The following SFT2D2 variants were observed in gnomAD, a reference collection of about 807,000 sequenced individuals.
SFT2D2 encodes vesicle transport protein SFT2B.
In SFT2D2, 21 loss-of-function variants were observed where a neutral mutation model predicts 27.4. The observed-to-expected ratio is 0.77, with a 90% CI of 0.54 to 1.10. SFT2D2 has a LOEUF of 1.10. Ranked by LOEUF, SFT2D2 falls within the 50% of genes least tolerant of loss-of-function variation. The probability of loss-of-function intolerance (pLI) is 0.00; values close to 1 mark genes in which losing one functional copy is unlikely to be tolerated. For synonymous variants in SFT2D2, 72 were observed against 71.7 expected (o/e 1.00, Z -0.02); for missense variants, 187 against 194.2 (o/e 0.96, Z 0.22).
chr1:168,236,554 A>G (rs1647509034), intron 4 of SFT2D2, 35 bp from the exon 5 acceptor site: 3 of 1,593,604 alleles, frequency 1.9e-6, no homozygotes, highest in Non-Finnish European at 2.6e-6. Flanking sequence ...CTGCCATGTT[A>G]TTGTCATTAA....
At position 168,235,162 on chromosome 1, in the gene SFT2D2, A is replaced by G. The variant is rs1190818480; in HGVS notation, c.298A>G (p.Ile100Val). ...LKRMFEPTRL[I>V]ATIMVLLCFA... The stretch of plus-strand genomic sequence containing the variant: ...GCGAATGTTTGAGCCTACTCGTTTG[A>G]TTGCAACTATCATGGTGCTGGTAAG... Residue 100 changes from isoleucine (I) to valine (V), a missense_variant, in exon 4 of 8, where the codon ATT becomes GTT. By Grantham distance (29) the Ile-to-Val change is conservative. Coordinates refer to ENST00000271375, the MANE Select transcript of SFT2D2 (RefSeq NM_199344.3). 3.1e-6 allele frequency: 5 copies of G among 1,614,168 alleles called. No individual in the cohort carries two copies. Among genetic ancestry groups the G allele is most frequent in the East Asian group, 2.2e-5 (1 of 44,882 alleles).
rs1411763510 is a variant in SFT2D2 at position 168,246,971 on chromosome 1, A to G, written c.*4431A>G. The G allele has an allele frequency of 4.9e-6, 3 of 613,826 alleles. No individual in the cohort carries two copies. The highest frequency in any genetic ancestry group is 1.4e-5 in the South Asian group (1 of 71,408). The allele number at this position is 613,826 out of a possible 1,614,324, so 38.0% of individuals were successfully genotyped here. On this transcript the variant is annotated 3_prime_UTR_variant, in exon 8 of 8. Coordinates refer to ENST00000271375, the MANE Select transcript of SFT2D2 (RefSeq NM_199344.3). Reference sequence around the variant, plus strand: ...GCCTGGCAATTTCATCTTGCATCAAATGGTTTTTATGCAACAGGTCTTCTT... The same window carrying G: ...GCCTGGCAATTTCATCTTGCATCAAGTGGTTTTTATGCAACAGGTCTTCTT...
intron 7 of SFT2D2, 94 bp from the exon 8 acceptor site, chr1:168,242,407 C>T: frequency 7.4e-7 from 1 of 1,350,700 alleles, no homozygotes; most frequent in Non-Finnish European, 1.1e-6. Context: ...AGTCTAGGTG[C>T]TTTCTACTCT....
rs142381339 is a variant in SFT2D2, at chr1:168,235,329, G to A, written c.318+147G>A. The A allele has an allele frequency of 7.7e-6, 6 of 781,268 alleles. No individual in the cohort carries two copies. The Admixed American group carries it at 1.3e-4, about 17-fold the overall frequency. The allele number at this position is 781,268 out of a possible 1,614,324, so 48.4% of individuals were successfully genotyped here. On this transcript the variant is annotated intron_variant, in intron 4 of 7. Coordinates refer to ENST00000271375, the MANE Select transcript of SFT2D2 (RefSeq NM_199344.3). The stretch of plus-strand genomic sequence containing the variant: ...TATTCCTATAACCATGTGGCAGAAG[G>A]GAACACTCTAAGTAATACTACGATC...
rs1310562543 is a variant in SFT2D2 at position 168,247,541 on chromosome 1, A to G, written c.*5001A>G. 1 of 153,096 alleles carries G rather than the reference A, an allele frequency of 6.5e-6. No homozygotes were observed. The highest frequency in any genetic ancestry group is 6.5e-5 in the Admixed American group (1 of 15,374). The allele number at this position is 153,096 out of a possible 1,614,324, so 9.5% of individuals were successfully genotyped here. On this transcript the variant is annotated 3_prime_UTR_variant, in exon 8 of 8. Coordinates refer to ENST00000271375, the MANE Select transcript of SFT2D2 (RefSeq NM_199344.3). ...TGGCTGAATACTATTCCATGGGTGT[A>G]TATATGCCACATTTTCTTTATCCAG...
chr1:168,233,164 T>C (rs1647375502), intron 3 of SFT2D2, among the ~76,000 whole-genome samples: 1 of 152,224 alleles, frequency 6.6e-6, no homozygotes, highest in African/African-American at 2.4e-5. Flanking sequence ...CTGAACTTCT[T>C]GCATTTCCCA....
chr1:168,226,188 C>T lies in SFT2D2; in HGVS notation c.63+46C>T. On this transcript the variant is annotated intron_variant, in intron 1 of 7. Transcript: ENST00000271375. Reference sequence around the variant, plus strand: ...CGGCCCCCTCTCGCCGCGCTCCCGCCCTGCGTCCCCTGCCCGGGCCTGGGA... The same window carrying T: ...CGGCCCCCTCTCGCCGCGCTCCCGCTCTGCGTCCCCTGCCCGGGCCTGGGA... The T allele has an allele frequency of 2.0e-6, 3 of 1,499,856 alleles. No individual in the cohort carries two copies. The South Asian group carries it at 3.8e-5, about 19-fold the overall frequency. The allele number at this position is 1,499,856 out of a possible 1,614,324, so 92.9% of individuals were successfully genotyped here.
chr1:168,250,327 A>G lies in SFT2D2; in HGVS notation c.*7787A>G, dbSNP rs1647921863. On this transcript the variant is annotated 3_prime_UTR_variant, in exon 8 of 8. Coordinates refer to ENST00000271375, the MANE Select transcript of SFT2D2 (RefSeq NM_199344.3). The stretch of plus-strand genomic sequence containing the variant: ...CTGCTGAAACCTGTTACCAAGCAAC[A>G]GCAGTGATTAAAAGCAACCTGATGA... 1.3e-5 allele frequency: 2 copies of G among 152,250 alleles called. No individual in the cohort carries two copies. The highest frequency in any genetic ancestry group is 4.1e-4 in the South Asian group (2 of 4,828). 9.4% of individuals were successfully genotyped at this position (152,250 alleles called of 1,614,324 possible).
At chr1:168,241,205 C>CT (rs11387591) in intron 7 of SFT2D2, among the ~76,000 whole-genome samples, 11,859 of 99,660 alleles carry the variant, frequency 0.12, 1,710 homozygotes, top group African/African-American at 0.28. Context: ...CCCTTCTATT[C>CT]TTTTTTTTTT....
chr1:168,239,055 C>A, intron 6 of SFT2D2, 76 bp from the exon 7 acceptor site: 1 of 1,113,024 alleles, frequency 9.0e-7, no homozygotes, highest in Non-Finnish European at 1.4e-6. Flanking sequence ...ATTCTTACAG[C>A]TCAGAAGCCC....
intron 3 of SFT2D2, among the ~76,000 whole-genome samples, chr1:168,232,143 A>G (rs901647443): frequency 2.0e-5 from 3 of 152,224 alleles, no homozygotes; most frequent in African/African-American, 7.2e-5. Flanking sequence ...GTGATTTTAC[A>G]TGTACAGAAA....
At chr1:168,242,456 TG>T (rs1350509899) in intron 7 of SFT2D2, 44 bp from the exon 8 acceptor site, 1 of 1,613,198 alleles carries the variant, frequency 6.2e-7, no homozygotes, top group East Asian at 2.2e-5. Context: ...GGAGTGCCTT[TG>T]GGGTGATGAC....
chr1:168,251,287 C>G lies in SFT2D2; in HGVS notation c.*8747C>G, dbSNP rs1558181335. 1 of 152,036 alleles carries G rather than the reference C, an allele frequency of 6.6e-6. No homozygotes were observed. Among genetic ancestry groups the G allele is most frequent in the Non-Finnish European group, 1.5e-5 (1 of 68,018 alleles). 9.4% of individuals were successfully genotyped at this position (152,036 alleles called of 1,614,324 possible). A position where few individuals can be genotyped will look rare whatever the true frequency, so the allele number is the denominator to read the frequency against. Reference sequence around the variant, plus strand: ...CCGAGATCGCACCCCTGCACTCCAGCCTGAGCAACAGAGTGAGACTCTGTC... The same window carrying G: ...CCGAGATCGCACCCCTGCACTCCAGGCTGAGCAACAGAGTGAGACTCTGTC... On this transcript the variant is annotated 3_prime_UTR_variant, in exon 8 of 8. Coordinates refer to ENST00000271375, the MANE Select transcript of SFT2D2 (RefSeq NM_199344.3).
intron 2 of SFT2D2, 75 bp downstream of exon 2, chr1:168,231,675 T>C: frequency 6.6e-7 from 1 of 1,518,618 alleles, no homozygotes; most frequent in Middle Eastern, 1.7e-4. Flanking sequence ...GTCCACCTCC[T>C]TTCCCCTTTT....
chr1:168,226,190 T>G (rs200493407), intron 1 of SFT2D2, 48 bp downstream of exon 1: 1 of 1,496,578 alleles, frequency 6.7e-7, no homozygotes, highest in Non-Finnish European at 9.0e-7. Context: ...GCTCCCGCCC[T>G]GCGTCCCCTG....
intron 1 of SFT2D2, among the ~76,000 whole-genome samples, chr1:168,229,282 C>A (rs1048098763): frequency 2.6e-5 from 4 of 152,190 alleles, no homozygotes; most frequent in African/African-American, 9.7e-5. Context: ...TGCAGTGGCT[C>A]GATCTCGGCT....
At chr1:168,236,459 C>T (rs866242023) in intron 4 of SFT2D2, 130 bp from the exon 5 acceptor site, 40 of 786,898 alleles carry the variant, frequency 5.1e-5, no homozygotes, top group Middle Eastern at 7.5e-4. Flanking sequence ...AATATGGGTG[C>T]TCAGGTGGGT....
In SFT2D2 at chr1:168,246,203, A is replaced by G. The variant is rs147828658; in HGVS notation, c.*3663A>G. The G allele has an allele frequency of 1.2e-4, 34 of 274,526 alleles. No individual in the cohort carries two copies. The highest frequency in any genetic ancestry group is 7.4e-4 in the African/African-American group (32 of 43,458). The allele number at this position is 274,526 out of a possible 1,614,324, so 17.0% of individuals were successfully genotyped here. On this transcript the variant is annotated 3_prime_UTR_variant, in exon 8 of 8. Transcript: ENST00000271375. ...CATCCTCTTGTTCTTCTAGCAAAAGACGGTGCTTTATGCACTCAGCTTGAA... is the reference window on the plus strand; with the variant it reads ...CATCCTCTTGTTCTTCTAGCAAAAGGCGGTGCTTTATGCACTCAGCTTGAA...
At chr1:168,235,651 G>C (rs1647473361) in intron 4 of SFT2D2, among the ~76,000 whole-genome samples, 1 of 152,186 alleles carries the variant, frequency 6.6e-6, no homozygotes, top group Non-Finnish European at 1.5e-5. Flanking sequence ...CAAAGTGGGA[G>C]TGGCCTCCTT....
Sources: gnomAD v4.1 joint callset for allele counts (sites outside exome capture counted in the v4.1 genomes callset) on GRCh38, gnomAD v4.1.1 for gene constraint, MANE v1.5 for transcripts, NCBI Gene and HGNC (gene_info 2026-07-23, HGNC 2026-07-21) for gene names.